The following FBN1 variants were observed in gnomAD, a reference collection of about 807,000 sequenced individuals.
FBN1 encodes fibrillin 1.
FBN1 carries 29 observed loss-of-function variants against 365.1 expected under a neutral mutation model. The observed-to-expected ratio is 0.08, with a 90% CI of 0.06 to 0.11. The LOEUF is 0.11. Ranked by LOEUF, FBN1 falls within the 10% of genes least tolerant of loss-of-function variation. The pLI is 1.00. For missense variants in FBN1, 2,476 were observed against 3,703.2 expected (o/e 0.67, Z 8.60); for synonymous variants, 1,210 against 1,270.5 (o/e 0.95, Z 1.01).
intron 2 of FBN1, chr15:48,642,520 T>C (rs1890215948): frequency 6.6e-6 from 1 of 152,226 alleles, no homozygotes; most frequent in Non-Finnish European, 1.5e-5. Flanking sequence ...CACACATGTG[T>C]ATGTATACAT....
chr15:48,578,703 G>T (rs76538020), intron 6 of FBN1, among the ~76,000 whole-genome samples: 1,842 of 132,188 alleles, frequency 0.014, no homozygotes, highest in Middle Eastern at 0.022. Flanking sequence ...CATGTCCTTT[G>T]TAGGGACATG....
intron 2 of FBN1, among the ~76,000 whole-genome samples, chr15:48,614,507 T>C (rs1426977630): frequency 6.6e-6 from 1 of 152,174 alleles, no homozygotes; most frequent in Non-Finnish European, 1.5e-5. Flanking sequence ...CTTTACCCCT[T>C]TTGTTGCTCC....
intron 64 of FBN1, among the ~76,000 whole-genome samples, chr15:48,414,840 G>GT (rs1466949519): frequency 6.7e-6 from 1 of 149,604 alleles, no homozygotes. Context: ...AGCTTGCAGT[G>GT]AGCTGAGATT....
chr15:48,591,204 C>T (rs1456034397), intron 6 of FBN1, among the ~76,000 whole-genome samples: 1 of 151,960 alleles, frequency 6.6e-6, no homozygotes. Flanking sequence ...CTTTTGATCC[C>T]AAACAGCTAA....
chr15:48,510,865 C>T (rs1255561956), intron 13 of FBN1, among the ~76,000 whole-genome samples: 2 of 152,150 alleles, frequency 1.3e-5, no homozygotes, highest in Non-Finnish European at 2.9e-5. Context: ...TATCTGATTT[C>T]TCCCTTAAAT....
chr15:48,477,735 C>T (rs1350436632), intron 32 of FBN1, among the ~76,000 whole-genome samples: 1 of 152,204 alleles, frequency 6.6e-6, no homozygotes, highest in East Asian at 1.9e-4. Context: ...GTTCTCTTTC[C>T]TGCACAAGTT....
chr15:48,585,094 G>A (rs1229897365), intron 6 of FBN1, among the ~76,000 whole-genome samples: 1 of 152,200 alleles, frequency 6.6e-6, no homozygotes, highest in Admixed American at 6.5e-5. Context: ...AAGAGCTAAT[G>A]TATGTTTATA....
At chr15:48,612,144 TAAAG>T (rs2044661412) in intron 3 of FBN1, among the ~76,000 whole-genome samples, 1 of 152,180 alleles carries the variant, frequency 6.6e-6, no homozygotes. Context: ...ATGTGCCAAA[TAAAG>T]GAGATGCTTT....
chr15:48,464,076 G>T (rs1290115331), intron 40 of FBN1, 55 bp from the exon 41 acceptor site: 2 of 1,564,852 alleles, frequency 1.3e-6, no homozygotes, highest in East Asian at 2.3e-5. Flanking sequence ...ATTTTGGAAT[G>T]GCCTGATACT....
intron 5 of FBN1, among the ~76,000 whole-genome samples, chr15:48,597,941 A>G (rs899616473): frequency 2.0e-5 from 3 of 152,190 alleles, no homozygotes; most frequent in East Asian, 3.9e-4. Context: ...TCCCTCAGGG[A>G]GCACCAAGGG....
intron 44 of FBN1, among the ~76,000 whole-genome samples, chr15:48,453,380 G>A (rs1241144834): frequency 2.0e-5 from 3 of 151,304 alleles, no homozygotes; most frequent in South Asian, 2.1e-4. Context: ...ATTACTAAGC[G>A]AATCAGAAGC....
chr15:48,449,350 C>A (rs2043183098), intron 45 of FBN1, among the ~76,000 whole-genome samples: 1 of 152,188 alleles, frequency 6.6e-6, no homozygotes, highest in Non-Finnish European at 1.5e-5. Flanking sequence ...TGATGGACAA[C>A]CTACATGGCT....
chr15:48,600,975 G>A (rs2044561128), intron 4 of FBN1, among the ~76,000 whole-genome samples: 1 of 152,118 alleles, frequency 6.6e-6, no homozygotes, highest in South Asian at 2.1e-4. Flanking sequence ...AAATTTTAGA[G>A]GCAGAATAGA....
chr15:48,618,694 G>T (rs551730771), intron 2 of FBN1, among the ~76,000 whole-genome samples: 2 of 152,192 alleles, frequency 1.3e-5, no homozygotes, highest in Non-Finnish European at 1.5e-5. Flanking sequence ...CCACACAGCA[G>T]GGGGTAAGTG....
At chr15:48,629,601 GA>G (rs1189461132) in intron 2 of FBN1, among the ~76,000 whole-genome samples, 1 of 152,072 alleles carries the variant, frequency 6.6e-6, no homozygotes. Context: ...GACACACATT[GA>G]AATATTTAAA....
At chr15:48,557,543 C>T (rs1566926530) in intron 6 of FBN1, among the ~76,000 whole-genome samples, 1 of 152,298 alleles carries the variant, frequency 6.6e-6, no homozygotes, top group East Asian at 1.9e-4. Flanking sequence ...GTCTAAAGCA[C>T]AGCTGAGCAA....
rs193922204 is a variant in FBN1 at position 48,468,542 on chromosome 15, C to T, written c.4460-8G>A. 3 of 1,613,774 alleles carry T rather than the reference C, an allele frequency of 1.9e-6. No homozygotes were observed. Among genetic ancestry groups the T allele is most frequent in the Admixed American group, 1.7e-5 (1 of 59,992 alleles). On this transcript the variant is annotated splice_region_variant and splice_polypyrimidine_tract_variant and intron_variant, in intron 36 of 65. Coordinates refer to ENST00000316623, the MANE Select transcript of FBN1 (RefSeq NM_000138.5). ...CCAGGCATTCATTCACATCTAAAAC[C>T]GAACAGTGAGTAGTGGAGTTATCAC...
At position 48,503,149 on chromosome 15, in the gene FBN1, T is replaced by C. The variant is rs1407374875; in HGVS notation, c.2113+638A>G. Among the ~76,000 whole-genome samples, 4 of 151,140 alleles carry C rather than the reference T, an allele frequency of 2.6e-5. No individual in the cohort carries two copies. The East Asian group carries it at 7.8e-4, about 29-fold the overall frequency. The stretch of plus-strand genomic sequence containing the variant: ...CTCGTCTCTACTAAAAATACAAAAA[T>C]TAGCCGGGCGTGGTGGCGCACACGT... On this transcript the variant is annotated intron_variant, in intron 17 of 65. Transcript: ENST00000316623.
intron 6 of FBN1, among the ~76,000 whole-genome samples, chr15:48,538,041 G>A (rs764599669): frequency 3.7e-4 from 57 of 152,166 alleles, no homozygotes; most frequent in Non-Finnish European, 5.9e-4. Context: ...CTTTGAAAAC[G>A]GCATTGTGAG....
Sources: allele counts gnomAD v4.1 joint callset (sites outside exome capture counted in the v4.1 genomes callset), GRCh38; gene constraint gnomAD v4.1.1; transcripts MANE v1.5; gene names NCBI Gene and HGNC (gene_info 2026-07-23, HGNC 2026-07-21).